The following ASTN2 variants were observed in gnomAD, a reference collection of about 807,000 sequenced individuals.
The protein encoded by ASTN2 is astrotactin 2.
Under a neutral mutation model 139.8 loss-of-function variants are expected in ASTN2, and 54 were observed. That is an observed-to-expected ratio of 0.39 (90% CI 0.31 to 0.48). ASTN2 has a LOEUF of 0.48. ASTN2 is among the 20% of genes least tolerant of loss of function. The pLI, the probability that ASTN2 is intolerant of heterozygous loss-of-function variation, is 0.95. For synonymous variants in ASTN2, 756 were observed against 719.5 expected, an observed-to-expected ratio of 1.05 and a Z score of -0.81; for missense variants, 1,565 against 1,725.1, an observed-to-expected ratio of 0.91 and a Z score of 1.64.
At chr9:117,313,797 C>T (rs939877439) in intron 1 of ASTN2, among the ~76,000 whole-genome samples, 5 of 152,104 alleles carry the variant, frequency 3.3e-5, no homozygotes, top group African/African-American at 1.2e-4. Flanking sequence ...CAAGGAGGAG[C>T]AGAATTTCAC....
chr9:116,597,286 T>C (rs1004428517), intron 19 of ASTN2, among the ~76,000 whole-genome samples: 9 of 145,798 alleles, frequency 6.2e-5, no homozygotes, highest in African/African-American at 2.3e-4. Flanking sequence ...AAATATTCCA[T>C]GACTTTTGAT....
intron 10 of ASTN2, among the ~76,000 whole-genome samples, chr9:116,934,915 T>C (rs1835023650): frequency 6.6e-6 from 1 of 152,192 alleles, no homozygotes; most frequent in Admixed American, 6.5e-5. Flanking sequence ...TTTGGTTGCC[T>C]AGAGTCAGGT....
intron 19 of ASTN2, among the ~76,000 whole-genome samples, chr9:116,589,211 T>C (rs895925917): frequency 6.6e-6 from 1 of 152,080 alleles, no homozygotes; most frequent in East Asian, 1.9e-4. Flanking sequence ...AAAGGAGAAA[T>C]AGATTGCAAT....
chr9:117,316,421 T>A (rs1173513177), intron 1 of ASTN2, among the ~76,000 whole-genome samples: 1 of 152,052 alleles, frequency 6.6e-6, no homozygotes, highest in Admixed American at 6.6e-5. Context: ...AAGAATTGTA[T>A]GTTGGGTTCT....
chr9:116,873,490 G>A (rs2132356234), intron 10 of ASTN2, among the ~76,000 whole-genome samples: 1 of 152,196 alleles, frequency 6.6e-6, no homozygotes. Context: ...CAGGCCTCCA[G>A]TGCAGAGGGT....
intron 1 of ASTN2, among the ~76,000 whole-genome samples, chr9:117,347,989 A>G (rs1414703323): frequency 6.6e-6 from 1 of 152,240 alleles, no homozygotes; most frequent in Non-Finnish European, 1.5e-5. Flanking sequence ...AATTCTAATC[A>G]GGGTCTATTA....
chr9:117,079,297 T>C (rs967717042), intron 5 of ASTN2, among the ~76,000 whole-genome samples: 1 of 151,982 alleles, frequency 6.6e-6, no homozygotes, highest in African/African-American at 2.4e-5. Flanking sequence ...TCAAGTCTGG[T>C]GTGAGCTGCG....
chr9:117,269,978 C>T (rs1224970014), intron 2 of ASTN2, among the ~76,000 whole-genome samples: 1 of 152,086 alleles, frequency 6.6e-6, no homozygotes, highest in African/African-American at 2.4e-5. Flanking sequence ...TCCTATTTTA[C>T]AGAAAAGAAA....
intron 10 of ASTN2, among the ~76,000 whole-genome samples, chr9:116,957,891 G>A (rs1042277562): frequency 6.6e-6 from 1 of 152,170 alleles, no homozygotes; most frequent in Non-Finnish European, 1.5e-5. Flanking sequence ...ATGTTGGCCA[G>A]GATGGTCTCG....
chr9:117,249,032 T>C (rs1054095387), intron 2 of ASTN2, among the ~76,000 whole-genome samples: 1 of 152,184 alleles, frequency 6.6e-6, no homozygotes, highest in African/African-American at 2.4e-5. Flanking sequence ...ATGTGACAAG[T>C]CTTGCTTTCT....
chr9:116,826,688 TA>T (rs1285168747), intron 11 of ASTN2, among the ~76,000 whole-genome samples: 1 of 152,080 alleles, frequency 6.6e-6, no homozygotes, highest in African/African-American at 2.4e-5. Flanking sequence ...CTCCCACTAC[TA>T]GCTTCTAAGC....
intron 13 of ASTN2, among the ~76,000 whole-genome samples, chr9:116,736,843 C>G (rs762314072): frequency 5.3e-5 from 8 of 152,214 alleles, no homozygotes; most frequent in Non-Finnish European, 1.0e-4. Context: ...GCCACCTTCT[C>G]TATCCGCATG....
intron 2 of ASTN2, among the ~76,000 whole-genome samples, chr9:117,253,926 G>A: frequency 6.6e-6 from 1 of 152,156 alleles, no homozygotes; most frequent in East Asian, 1.9e-4. Flanking sequence ...TTATCTGCAT[G>A]AAGTGCCAGC....
intron 19 of ASTN2, among the ~76,000 whole-genome samples, chr9:116,511,581 C>G (rs989556067): frequency 2.0e-5 from 3 of 152,120 alleles, no homozygotes; most frequent in African/African-American, 4.8e-5. Flanking sequence ...AGGAATGGTA[C>G]GAGCTCTGCC....
At chr9:116,452,898 C>T (rs962461756) in intron 20 of ASTN2, among the ~76,000 whole-genome samples, 2 of 152,228 alleles carry the variant, frequency 1.3e-5, no homozygotes, top group East Asian at 1.9e-4. Context: ...CCTTTCAACA[C>T]TGACATCACT....
chr9:117,251,754 T>C (rs1192691085), intron 2 of ASTN2, among the ~76,000 whole-genome samples: 1 of 152,150 alleles, frequency 6.6e-6, no homozygotes, highest in Non-Finnish European at 1.5e-5. Context: ...GAGGCAAACC[T>C]GGAGGCCAGG....
intron 1 of ASTN2, among the ~76,000 whole-genome samples, chr9:117,365,590 G>T (rs949072891): frequency 6.6e-6 from 1 of 152,144 alleles, no homozygotes; most frequent in Non-Finnish European, 1.5e-5. Flanking sequence ...TGGTCCATGA[G>T]TGGCATTCAC....
At chr9:116,678,254 G>T (rs1304723837) in intron 16 of ASTN2, among the ~76,000 whole-genome samples, 1 of 152,156 alleles carries the variant, frequency 6.6e-6, no homozygotes, top group Non-Finnish European at 1.5e-5. Flanking sequence ...TTATAGATAA[G>T]GCCTGGGGAC....
intron 11 of ASTN2, among the ~76,000 whole-genome samples, chr9:116,841,875 A>T (rs897927843): frequency 2.0e-5 from 3 of 152,198 alleles, no homozygotes; most frequent in Non-Finnish European, 4.4e-5. Context: ...ATGTAAGGGA[A>T]CCATATACAG....
Sources: gnomAD v4.1 joint callset for allele counts (sites outside exome capture counted in the v4.1 genomes callset) on GRCh38, gnomAD v4.1.1 for gene constraint, MANE v1.5 for transcripts, NCBI Gene and HGNC (gene_info 2026-07-23, HGNC 2026-07-21) for gene names.